The following DOCK1 variants were observed in gnomAD, a reference collection of about 807,000 sequenced individuals.
DOCK1 encodes the protein dedicator of cytokinesis 1.
Under a neutral mutation model 262.7 loss-of-function variants are expected in DOCK1, and 138 were observed. The observed-to-expected ratio is 0.53, with a 90% confidence interval of 0.46 to 0.61. DOCK1 has a LOEUF of 0.61. DOCK1 is among the 20% of genes least tolerant of loss of function. The probability of loss-of-function intolerance (pLI) is 0.00; values close to 1 mark genes in which losing one functional copy is unlikely to be tolerated. For missense variants in DOCK1, 1,908 were observed against 2,370.7 expected (o/e 0.80, Z 4.05); for synonymous variants, 866 against 867.4 (o/e 1.00, Z 0.03).
Position 126,923,695 on chromosome 10 carries a change from T to A in DOCK1, c.46+18132T>A, listed in dbSNP as rs114712750. 5.5e-3 allele frequency among the ~76,000 whole-genome samples: 831 copies of A among 152,314 alleles called. 10 individuals carry two copies. Among genetic ancestry groups the A allele is most frequent in the African/African-American group, 0.019 (798 of 41,580 alleles). On this transcript the variant is annotated intron_variant, in intron 1 of 51. Coordinates refer to ENST00000623213, the MANE Select transcript of DOCK1 (RefSeq NM_001290223.2). ...TCTGCCACGGAGAAAGGAGCGCCAT[T>A]CTCGGCATCTCTCTCCATGTGCGAT...
rs773043177 is a variant in DOCK1, at chr10:127,374,196, C to T, written c.3657C>T (p.Ser1219=). 1.2e-6 allele frequency: 2 copies of T among 1,612,170 alleles called. No homozygotes were observed. The highest frequency in any genetic ancestry group is 3.4e-5 in the Admixed American group (2 of 59,594). The part of the protein sequence containing the change: ...MHDENKENRM[S]CTVNVLNFYK... ...ACGAGAACAAAGAAAACCGCATGAG[C>T]TGCACCGTCAATGTGCTGGTGAGTG... Residue 1219 remains serine, a synonymous_variant, in exon 35 of 52, where the codon AGC becomes AGT. Transcript: ENST00000623213.
intron 1 of DOCK1, among the ~76,000 whole-genome samples, chr10:126,942,679 G>A (rs1045022549): frequency 4.6e-5 from 7 of 152,062 alleles, no homozygotes; most frequent in Admixed American, 6.5e-5. Context: ...CCATTATCCC[G>A]TTTATTTTTA....
At chr10:126,979,776 C>T (rs2038815779) in intron 3 of DOCK1, among the ~76,000 whole-genome samples, 1 of 152,224 alleles carries the variant, frequency 6.6e-6, no homozygotes, top group East Asian at 1.9e-4. Flanking sequence ...TTGTAAGGGG[C>T]CTCCTAGGCA....
chr10:127,230,150 A>G (rs2058788784), intron 27 of DOCK1, among the ~76,000 whole-genome samples: 1 of 152,162 alleles, frequency 6.6e-6, no homozygotes, highest in African/African-American at 2.4e-5. Context: ...AGTTTTTTAT[A>G]TATTTGAGAT....
At chr10:127,447,294 G>T (rs1444210532) in intron 50 of DOCK1, 100 bp from the exon 51 acceptor site, 11 of 1,508,856 alleles carry the variant, frequency 7.3e-6, no homozygotes, top group Non-Finnish European at 9.8e-6. Context: ...AAGTGTTTCT[G>T]CTGTGCCTGC....
chr10:127,363,570 T>G (rs972598497), intron 33 of DOCK1, among the ~76,000 whole-genome samples: 2 of 152,162 alleles, frequency 1.3e-5, no homozygotes, highest in African/African-American at 2.4e-5. Flanking sequence ...GGAGAAAAAT[T>G]CCTATAATGA....
intron 1 of DOCK1, among the ~76,000 whole-genome samples, chr10:126,953,951 T>TCCG (rs2036533420): frequency 1.3e-5 from 2 of 152,168 alleles, no homozygotes; most frequent in African/African-American, 4.8e-5. Context: ...TTTTAAAACT[T>TCCG]CCGAGTGGTC....
chr10:126,930,685 C>T (rs1217246913), intron 1 of DOCK1, among the ~76,000 whole-genome samples: 32 of 152,186 alleles, frequency 2.1e-4, no homozygotes, highest in Admixed American at 2.0e-3. Context: ...GCCTCGTGCA[C>T]AGGAGTCCAG....
In DOCK1 at chr10:127,331,574, G is replaced by A. The variant is rs12569495; in HGVS notation, c.3045-7432G>A. ...TGGGATTACAGGCGTGAGCCACGGCGCCCGGCCCGGATTCAGTTTTTAAGT... is the reference window on the plus strand; with the variant it reads ...TGGGATTACAGGCGTGAGCCACGGCACCCGGCCCGGATTCAGTTTTTAAGT... On this transcript the variant is annotated intron_variant, in intron 29 of 51. Coordinates refer to ENST00000623213, the MANE Select transcript of DOCK1 (RefSeq NM_001290223.2). Among the ~76,000 whole-genome samples the A allele has an allele frequency of 7.9e-3, 1,199 of 152,204 alleles. 49 individuals are homozygous for A. The highest frequency in any genetic ancestry group is 0.064 in the Admixed American group (982 of 15,278).
intron 29 of DOCK1, among the ~76,000 whole-genome samples, chr10:127,325,674 T>TA (rs2062719098): frequency 6.6e-6 from 1 of 152,232 alleles, no homozygotes; most frequent in Admixed American, 6.5e-5. Flanking sequence ...GGTTTCTTGA[T>TA]AGCCGAACTC....
chr10:127,082,924 G>C (rs1330671518), intron 23 of DOCK1, among the ~76,000 whole-genome samples: 1 of 152,160 alleles, frequency 6.6e-6, no homozygotes, highest in Non-Finnish European at 1.5e-5. Flanking sequence ...GTCTTTGTGA[G>C]CAGGGATCTT....
intron 1 of DOCK1, among the ~76,000 whole-genome samples, chr10:126,958,596 G>A (rs1164135191): frequency 6.6e-6 from 1 of 152,140 alleles, no homozygotes; most frequent in African/African-American, 2.4e-5. Context: ...GGCTCTGTTA[G>A]GTAAAGCAGG....
chr10:127,212,066 T>C (rs2058004935), intron 27 of DOCK1, among the ~76,000 whole-genome samples: 5 of 152,228 alleles, frequency 3.3e-5, no homozygotes, highest in Admixed American at 3.3e-4. Flanking sequence ...TATTACAAAA[T>C]TATTCAATCA....
intron 1 of DOCK1, among the ~76,000 whole-genome samples, chr10:126,921,856 C>T (rs1215111426): frequency 4.0e-5 from 6 of 151,552 alleles, no homozygotes; most frequent in Non-Finnish European, 8.8e-5. Context: ...TTTGCCATGT[C>T]GGCCAGGCTG....
intron 27 of DOCK1, among the ~76,000 whole-genome samples, chr10:127,208,503 A>G (rs1296409357): frequency 1.3e-5 from 2 of 152,214 alleles, no homozygotes; most frequent in African/African-American, 2.4e-5. Flanking sequence ...TTAAGTTTCT[A>G]TAATTGTTCT....
chr10:127,366,305 T>C (rs1484628407), intron 33 of DOCK1, among the ~76,000 whole-genome samples: 1 of 152,150 alleles, frequency 6.6e-6, no homozygotes, highest in African/African-American at 2.4e-5. Context: ...AAGATCAGTT[T>C]TCTTCTGTTT....
chr10:127,278,062 T>A (rs2060809192), intron 29 of DOCK1, among the ~76,000 whole-genome samples: 1 of 152,170 alleles, frequency 6.6e-6, no homozygotes, highest in African/African-American at 2.4e-5. Flanking sequence ...GCTTCCCTCT[T>A]AGCTGTAGAC....
intron 50 of DOCK1, among the ~76,000 whole-genome samples, chr10:127,445,676 T>G (rs909070973): frequency 6.6e-6 from 1 of 152,356 alleles, no homozygotes; most frequent in South Asian, 2.1e-4. Flanking sequence ...CTCCAAAGAA[T>G]TGAAGACAGG....
At chr10:127,233,482 T>G (rs533078015) in intron 27 of DOCK1, among the ~76,000 whole-genome samples, 3 of 152,342 alleles carry the variant, frequency 2.0e-5, no homozygotes, top group African/African-American at 7.2e-5. Flanking sequence ...CCACAAAATG[T>G]GATGTGAAAC....
Sources: allele counts gnomAD v4.1 joint callset (sites outside exome capture counted in the v4.1 genomes callset), GRCh38; gene constraint gnomAD v4.1.1; transcripts MANE v1.5; gene names NCBI Gene and HGNC (gene_info 2026-07-23, HGNC 2026-07-21).